LRRK2: variants seen among roughly 807,000 people sequenced by gnomAD.
LRRK2 encodes the protein leucine rich repeat kinase 2.
In LRRK2, 203 loss-of-function variants were observed where a neutral mutation model predicts 302.6. The ratio of observed to expected loss-of-function variants is 0.67; its 90% confidence interval spans 0.60 to 0.75. LRRK2 has a LOEUF of 0.75. Among genes scored for constraint, LRRK2 ranks in the 30% least tolerant of loss-of-function variants. The pLI is 0.00. For synonymous variants in LRRK2, 1,066 were observed against 1,031.9 expected (o/e 1.03, Z -0.63); for missense variants, 2,830 against 2,951.0 (o/e 0.96, Z 0.95).
At chr12:40,278,450 T>C (rs1198095390) in intron 18 of LRRK2, among the ~76,000 whole-genome samples, 189 bp downstream of exon 18, 3 of 152,240 alleles carry the variant, frequency 2.0e-5, no homozygotes, top group African/African-American at 7.2e-5. Flanking sequence ...TTAGGTGTTA[T>C]CCAGTCTAAT....
chr12:40,325,314 C>G (rs569693732), intron 38 of LRRK2, among the ~76,000 whole-genome samples: 2 of 152,142 alleles, frequency 1.3e-5, no homozygotes, highest in Non-Finnish European at 2.9e-5. Flanking sequence ...AAAGCAAAGT[C>G]TGTTTAGCTA....
intron 2 of LRRK2, among the ~76,000 whole-genome samples, 173 bp from the exon 3 acceptor site, chr12:40,232,101 C>T (rs369051939): frequency 8.5e-5 from 13 of 152,170 alleles, no homozygotes; most frequent in South Asian, 6.2e-4. Flanking sequence ...CCTAAGAATA[C>T]GGCTTGCTTT....
At position 40,304,096 on chromosome 12, in the gene LRRK2, G is replaced by C. The variant is rs201694762; in HGVS notation, c.3739G>C (p.Val1247Leu). 1.9e-6 allele frequency: 3 copies of C among 1,613,404 alleles called. No homozygotes were observed. Among genetic ancestry groups the C allele is most frequent in the Non-Finnish European group, 1.7e-6 (2 of 1,179,642 alleles). ...LSEKAYLWSR[V>L]EKLHLSHNKL... The stretch of plus-strand genomic sequence containing the variant: ...TGAAAAAGCATATTTATGGTCTAGA[G>C]TAGAGAAACTGCATCTTTCTCACAA... The change falls in exon 27 of 51, where the codon GTA becomes CTA. Residue 1247 changes from valine to leucine, a missense_variant. By Grantham distance (32) the Val-to-Leu change is conservative. Around this residue, in one of 3 missense-constraint regions of LRRK2, gnomAD observed 2,121 missense variants for 2,148.0 expected, o/e 0.99. Coordinates refer to ENST00000298910, the MANE Select transcript of LRRK2 (RefSeq NM_198578.4).
chr12:40,235,501 A>T (rs1941408921), intron 3 of LRRK2, 125 bp from the exon 4 acceptor site: 1 of 692,774 alleles, frequency 1.4e-6, no homozygotes, highest in Non-Finnish European at 2.6e-6. Context: ...AAAACACATG[A>T]GCTTCACTAC....
chr12:40,342,145 A>G (rs1213269715), intron 41 of LRRK2, among the ~76,000 whole-genome samples: 1 of 152,050 alleles, frequency 6.6e-6, no homozygotes, highest in African/African-American at 2.4e-5. Context: ...TGGACAGTGG[A>G]TCTCTCGGGT....
chr12:40,251,371 G>T lies in LRRK2; in HGVS notation c.1098G>T (p.Val366=). 3 of 1,613,916 alleles carry T rather than the reference G, an allele frequency of 1.9e-6. No homozygotes were observed. The highest frequency in any genetic ancestry group is 2.2e-5 in the East Asian group (1 of 44,842). The change falls in exon 9 of 51, where the codon GTG becomes GTT. Residue 366 remains valine (V), a synonymous_variant. Transcript: ENST00000298910. ...ALTWHRKNKH[V]QEAACWALNN... The stretch of plus-strand genomic sequence containing the variant: ...CGTGGCATAGAAAGAACAAGCACGT[G>T]CAGGTAGGACTCTCATAAATATTAG...
At chr12:40,281,685 T>A (rs1943702908) in intron 18 of LRRK2, among the ~76,000 whole-genome samples, 1 of 152,198 alleles carries the variant, frequency 6.6e-6, no homozygotes, top group South Asian at 2.1e-4. Context: ...TTTGCTGGCA[T>A]TTATTTATTT....
chr12:40,341,905 A>C (rs1946056148), intron 41 of LRRK2, among the ~76,000 whole-genome samples: 2 of 152,234 alleles, frequency 1.3e-5, no homozygotes, highest in Non-Finnish European at 2.9e-5. Flanking sequence ...AAATATTGTC[A>C]ATGAGAGGTT....
At chr12:40,228,678 C>G (rs1252245083) in intron 2 of LRRK2, among the ~76,000 whole-genome samples, 1 of 152,020 alleles carries the variant, frequency 6.6e-6, no homozygotes, top group African/African-American at 2.4e-5. Flanking sequence ...TTGCACAGAC[C>G]AATGTCCTGT....
intron 31 of LRRK2, among the ~76,000 whole-genome samples, chr12:40,311,246 G>T (rs1215088347): frequency 6.6e-6 from 1 of 151,986 alleles, no homozygotes; most frequent in Non-Finnish European, 1.5e-5. Context: ...CATACAAAAT[G>T]GGCTTTTTAT....
rs576299453 is a variant in LRRK2, at chr12:40,288,433, AC to A, written c.2689+897del. 2.4e-4 allele frequency among the ~76,000 whole-genome samples: 36 copies of A among 151,834 alleles called. No homozygotes were observed. The South Asian group carries it at 7.1e-3, about 30-fold the overall frequency. Reference sequence around the variant, plus strand: ...ACATCCCCTTCCCCTGGCCCCCCTGACCCTTAGCAATCATTTGCTTCCTGAC... The same window carrying A: ...ACATCCCCTTCCCCTGGCCCCCCTGACCTTAGCAATCATTTGCTTCCTGAC... On this transcript the variant is annotated intron_variant, in intron 20 of 50. Transcript: ENST00000298910.
chr12:40,265,836 G>T (rs1942986651), intron 14 of LRRK2, among the ~76,000 whole-genome samples: 1 of 152,106 alleles, frequency 6.6e-6, no homozygotes, highest in South Asian at 2.1e-4. Flanking sequence ...AGAGCCCTCA[G>T]AAATAATGCC....
intron 43 of LRRK2, among the ~76,000 whole-genome samples, chr12:40,349,385 A>G (rs1338820201): frequency 2.0e-5 from 3 of 152,212 alleles, no homozygotes; most frequent in Non-Finnish European, 2.9e-5. Flanking sequence ...GCTTTTCTAT[A>G]TAAAATTTAG....
In LRRK2 at chr12:40,225,606, T is replaced by G; in HGVS notation, c.203T>G (p.Leu68Trp). 1 of 1,614,172 alleles carries G rather than the reference T, an allele frequency of 6.2e-7. No individual in the cohort carries two copies. Among genetic ancestry groups the G allele is most frequent in the Non-Finnish European group, 8.5e-7 (1 of 1,180,016 alleles). ...KNIHVPLLIV[L>W]DSYMRVASVQ... ...ATCCATGTGCCTCTGTTGATCGTCTTGGACTCCTATATGAGAGTCGCGAGT... is the reference window on the plus strand; with the variant it reads ...ATCCATGTGCCTCTGTTGATCGTCTGGGACTCCTATATGAGAGTCGCGAGT... Residue 68 changes from leucine (L) to tryptophan (W), a missense_variant, in exon 2 of 51, where the codon TTG becomes TGG. Leu to Trp is a moderately conservative substitution (Grantham distance 61). Around this residue, in one of 3 missense-constraint regions of LRRK2, gnomAD observed 2,121 missense variants for 2,148.0 expected, o/e 0.99. Coordinates refer to ENST00000298910, the MANE Select transcript of LRRK2 (RefSeq NM_198578.4).
At chr12:40,257,941 G>T (rs781147915) in intron 12 of LRRK2, among the ~76,000 whole-genome samples, 17 of 151,944 alleles carry the variant, frequency 1.1e-4, no homozygotes, top group East Asian at 1.9e-4. Flanking sequence ...ATGAGGTGGG[G>T]GTGAGGGGTG....
At chr12:40,343,135 C>T (rs1408421077) in intron 41 of LRRK2, among the ~76,000 whole-genome samples, 3 of 152,132 alleles carry the variant, frequency 2.0e-5, no homozygotes, top group Non-Finnish European at 4.4e-5. Context: ...TAGCTGGGGA[C>T]GCAGAGACAG....
In LRRK2 at chr12:40,269,888, A is replaced by C. The variant is rs1321959643; in HGVS notation, c.1657-4695A>C. 3.9e-5 allele frequency among the ~76,000 whole-genome samples: 6 copies of C among 152,174 alleles called. No homozygotes were observed. The East Asian group carries it at 9.6e-4, about 24-fold the overall frequency. ...CACTTTTATCACCCAATTGTAGCAA[A>C]GTATATGTTTGCTTTTATAGCTTTA... On this transcript the variant is annotated intron_variant, in intron 14 of 50. Coordinates refer to ENST00000298910, the MANE Select transcript of LRRK2 (RefSeq NM_198578.4).
intron 48 of LRRK2, 91 bp downstream of exon 48, chr12:40,363,645 C>T: frequency 7.1e-7 from 1 of 1,403,776 alleles, no homozygotes; most frequent in Non-Finnish European, 9.8e-7. Context: ...CTTTCTGCCT[C>T]TGAATAGAGA....
chr12:40,231,667 AT>A (rs1396270184), intron 2 of LRRK2, among the ~76,000 whole-genome samples: 1 of 147,778 alleles, frequency 6.8e-6, no homozygotes. Flanking sequence ...CTCTAAAACT[AT>A]TTTTTATAGT....
Sources: gnomAD v4.1 joint callset for allele counts (sites outside exome capture counted in the v4.1 genomes callset) on GRCh38, gnomAD v4.1.1 for gene constraint, gnomAD v4.1.1 regional missense constraint, MANE v1.5 for transcripts, NCBI Gene and HGNC (gene_info 2026-07-23, HGNC 2026-07-21) for gene names.